Variants in RASGEF1A observed in about 807,000 individuals in gnomAD.
The protein encoded by RASGEF1A is ras-GEF domain-containing family member 1A.
Under a neutral mutation model 56.4 loss-of-function variants are expected in RASGEF1A, and 18 were observed. The ratio of observed to expected loss-of-function variants is 0.32; its 90% CI spans 0.22 to 0.47. The LOEUF (loss-of-function observed/expected upper bound fraction) is 0.47, where lower values mean the gene tolerates loss of function less well. Among genes scored for constraint, RASGEF1A ranks in the 20% least tolerant of loss-of-function variants. The probability of loss-of-function intolerance (pLI) is 1.00; values close to 1 mark genes in which losing one functional copy is unlikely to be tolerated. For missense variants in RASGEF1A, 422 were observed against 627.1 expected (o/e 0.67, Z 3.49); for synonymous variants, 245 against 242.6 (o/e 1.01, Z -0.09).
intron 1 of RASGEF1A, among the ~76,000 whole-genome samples, chr10:43,238,599 C>A (rs1840465624): frequency 6.6e-6 from 1 of 152,214 alleles, no homozygotes; most frequent in Admixed American, 6.5e-5. Context: ...TGGGTTTCCC[C>A]AGGTCCTCTT....
At chr10:43,226,963 G>T (rs117657945) in intron 1 of RASGEF1A, among the ~76,000 whole-genome samples, 1 of 152,186 alleles carries the variant, frequency 6.6e-6, no homozygotes, top group Non-Finnish European at 1.5e-5. Flanking sequence ...CAGGATTGGG[G>T]GTCTGTGCCG....
chr10:43,226,822 G>C (rs970967669), intron 1 of RASGEF1A, among the ~76,000 whole-genome samples: 4 of 152,132 alleles, frequency 2.6e-5, no homozygotes, highest in Admixed American at 2.6e-4. Flanking sequence ...CTTCCTTCCA[G>C]AACTTGTTCA....
rs117385121 is a variant in RASGEF1A at position 43,254,088 on chromosome 10, C to T, written c.-7+12757G>A. Among the ~76,000 whole-genome samples, 150 of 152,338 alleles carry T rather than the reference C, an allele frequency of 9.8e-4. 2 individuals are homozygous for T. The East Asian group carries it at 0.026, about 26-fold the overall frequency. On this transcript the variant is annotated intron_variant, in intron 1 of 12. Coordinates refer to ENST00000395810, the MANE Select transcript of RASGEF1A (RefSeq NM_145313.4). Reference sequence around the variant, plus strand: ...GGAGACTCACATGCCAGGCCCAGTGCTCGGTGGATGGCCTCCCACCAGGGC... The same window carrying T: ...GGAGACTCACATGCCAGGCCCAGTGTTCGGTGGATGGCCTCCCACCAGGGC...
chr10:43,216,192 G>T (rs1373270734), intron 1 of RASGEF1A, among the ~76,000 whole-genome samples: 3 of 152,164 alleles, frequency 2.0e-5, no homozygotes, highest in Non-Finnish European at 2.9e-5. Flanking sequence ...GCCAGGAGCG[G>T]GGGCGCTGGA....
intron 1 of RASGEF1A, among the ~76,000 whole-genome samples, chr10:43,265,760 C>T (rs1376431170): frequency 1.3e-5 from 2 of 152,224 alleles, no homozygotes; most frequent in Admixed American, 6.5e-5. Flanking sequence ...CCCCTAGAGC[C>T]GCTTAGAGTC....
At chr10:43,208,418 G>A in intron 1 of RASGEF1A, 6 of 985,562 alleles carry the variant, frequency 6.1e-6, no homozygotes, top group Non-Finnish European at 7.2e-6. Flanking sequence ...GCCTGCCTAG[G>A]AGTTGAGGAG....
At chr10:43,219,187 G>T (rs1840175219) in intron 1 of RASGEF1A, among the ~76,000 whole-genome samples, 1 of 152,322 alleles carries the variant, frequency 6.6e-6, no homozygotes, top group Non-Finnish European at 1.5e-5. Flanking sequence ...CCCTCCCCTT[G>T]GCCTCGCTCC....
chr10:43,197,590 T>C (rs566087419), intron 10 of RASGEF1A, among the ~76,000 whole-genome samples: 205 of 152,292 alleles, frequency 1.3e-3, no homozygotes, highest in African/African-American at 4.6e-3. Context: ...CCTCACCAGG[T>C]GCCCTCAGGC....
intron 1 of RASGEF1A, among the ~76,000 whole-genome samples, chr10:43,237,009 G>A (rs1471824820): frequency 1.3e-5 from 2 of 152,148 alleles, no homozygotes; most frequent in East Asian, 1.9e-4. Context: ...GGACCAGCGT[G>A]GCCTTGTGGG....
rs747873098 is a variant in RASGEF1A, at chr10:43,203,337, G to A, written c.282C>T (p.Cys94=). 6.3e-7 allele frequency: 1 copy of A among 1,578,310 alleles called. No individual in the cohort carries two copies. The highest frequency in any genetic ancestry group is 8.6e-7 in the Non-Finnish European group (1 of 1,162,372). Residue 94 remains cysteine (C), a synonymous_variant, in exon 3 of 13, where the codon TGC becomes TGT. Transcript: ENST00000395810. ...HDLLARVGQI[C]VEQKQQLEAG... ...CTTCCAGCTGCTGCTTCTGCTCCAC[G>A]CAGATCTGCCCCACGCGGGCCAGCA...
At chr10:43,218,433 G>A (rs1840164588) in intron 1 of RASGEF1A, among the ~76,000 whole-genome samples, 1 of 152,180 alleles carries the variant, frequency 6.6e-6, no homozygotes, top group Admixed American at 6.5e-5. Context: ...GGGGGGCGTT[G>A]GGGGTGACAC....
chr10:43,250,262 G>A (rs1306276204), intron 1 of RASGEF1A, among the ~76,000 whole-genome samples: 1 of 152,234 alleles, frequency 6.6e-6, no homozygotes, highest in East Asian at 1.9e-4. Flanking sequence ...CAGCTGGGGA[G>A]AGGAGGGCCA....
intron 4 of RASGEF1A, 99 bp from the exon 5 acceptor site, chr10:43,200,987 C>G (rs1254648733): frequency 2.8e-6 from 3 of 1,088,918 alleles, no homozygotes; most frequent in Admixed American, 1.9e-5. Flanking sequence ...TGTGCCTAAC[C>G]AACGTGAGCC....
intron 1 of RASGEF1A, among the ~76,000 whole-genome samples, chr10:43,252,670 T>C (rs545983474): frequency 6.6e-6 from 1 of 152,102 alleles, no homozygotes; most frequent in African/African-American, 2.4e-5. Context: ...CCCTCACATG[T>C]CCTAAGCTCA....
At chr10:43,225,402 T>C (rs1389872881) in intron 1 of RASGEF1A, among the ~76,000 whole-genome samples, 2 of 151,922 alleles carry the variant, frequency 1.3e-5, no homozygotes, top group African/African-American at 4.8e-5. Flanking sequence ...TGTCTGTGTG[T>C]GTGCCTGCAT....
chr10:43,205,524 C>A (rs1839980001), intron 2 of RASGEF1A, among the ~76,000 whole-genome samples: 1 of 152,168 alleles, frequency 6.6e-6, no homozygotes, highest in Non-Finnish European at 1.5e-5. Flanking sequence ...GCCCTGGGCT[C>A]CAGGACCTCG....
chr10:43,223,606 C>T (rs1293310774), intron 1 of RASGEF1A, among the ~76,000 whole-genome samples: 2 of 152,110 alleles, frequency 1.3e-5, no homozygotes, highest in East Asian at 3.9e-4. Context: ...GAAGAAACTA[C>T]TAAAAAGCAA....
At chr10:43,215,819 A>G (rs1373715639) in intron 1 of RASGEF1A, among the ~76,000 whole-genome samples, 2 of 152,190 alleles carry the variant, frequency 1.3e-5, no homozygotes, top group South Asian at 2.1e-4. Context: ...TTAGGAGAGA[A>G]TCAGTGCTCC....
At chr10:43,225,442 T>C (rs1452550067) in intron 1 of RASGEF1A, among the ~76,000 whole-genome samples, 1 of 151,944 alleles carries the variant, frequency 6.6e-6, no homozygotes, top group Non-Finnish European at 1.5e-5. Flanking sequence ...TCTGTATGTG[T>C]CTGTGTTTGT....
Sources: allele counts gnomAD v4.1 joint callset (sites outside exome capture counted in the v4.1 genomes callset), GRCh38; gene constraint gnomAD v4.1.1; transcripts MANE v1.5; gene names NCBI Gene and HGNC (gene_info 2026-07-23, HGNC 2026-07-21).